Variants in FHDC1 observed in about 807,000 individuals in gnomAD.
The protein encoded by FHDC1 is FH2 domain containing 1, also known as FH2 domain-containing protein 1.
Under a neutral mutation model 52.6 loss-of-function variants are expected in FHDC1, and 25 were observed. The ratio of observed to expected loss-of-function variants is 0.48; its 90% CI spans 0.35 to 0.66. FHDC1 has a LOEUF of 0.66. Among genes scored for constraint, FHDC1 ranks in the 30% least tolerant of loss-of-function variants. The pLI is 0.01. For missense variants in FHDC1, 1,459 were observed against 1,452.8 expected (o/e 1.00, Z -0.07); for synonymous variants, 616 against 581.5 (o/e 1.06, Z -0.85).
rs926473885 is a variant in FHDC1 at position 152,978,397 on chromosome 4, T to A, written c.*1674T>A. The A allele has an allele frequency of 5.9e-5, 9 of 152,216 alleles. No homozygotes were observed. Among genetic ancestry groups the A allele is most frequent in the Admixed American group, 2.6e-4 (4 of 15,284 alleles). The allele number at this position is 152,216 out of a possible 1,614,324, so 9.4% of individuals were successfully genotyped here. On this transcript the variant is annotated 3_prime_UTR_variant, in exon 12 of 12. Transcript: ENST00000511601. ...AATAGTTTTTAACGTGGACATCTCT[T>A]CCTTGGTACAGTGGTTTTTAAATAC...
the FHDC1 span, among the ~76,000 whole-genome samples, chr4:152,923,372 T>G: frequency 6.6e-6 from 1 of 152,110 alleles, no homozygotes; most frequent in Non-Finnish European, 1.5e-5. Context: ...TACAAAGAAA[T>G]GGAAGAACAT....
At chr4:152,940,343 T>C (rs1312333320) in intron 1 of FHDC1, among the ~76,000 whole-genome samples, 3 of 152,238 alleles carry the variant, frequency 2.0e-5, no homozygotes, top group Admixed American at 6.5e-5. Context: ...GTTGTACATT[T>C]TCTTTTGTTT....
At chr4:152,928,036 C>T in the FHDC1 span, 9 of 1,445,256 alleles carry the variant, frequency 6.2e-6, no homozygotes, top group South Asian at 4.6e-5. Context: ...CCCTGAGTGG[C>T]TCCTCCATCC....
chr4:152,976,771 G>T lies in FHDC1; in HGVS notation c.*48G>T. On this transcript the variant is annotated 3_prime_UTR_variant, in exon 12 of 12. Transcript: ENST00000511601. Reference sequence around the variant, plus strand: ...TCCTGGGATTCAGACGGTGAAGACTGACTTCTGGGACGAGGATGGGGAAAG... The same window carrying T: ...TCCTGGGATTCAGACGGTGAAGACTTACTTCTGGGACGAGGATGGGGAAAG... 1.4e-6 allele frequency: 2 copies of T among 1,445,276 alleles called. No individual in the cohort carries two copies. Among genetic ancestry groups the T allele is most frequent in the South Asian group, 3.0e-5 (2 of 65,872 alleles). 89.5% of individuals were successfully genotyped at this position (1,445,276 alleles called of 1,614,324 possible). A position where few individuals can be genotyped will look rare whatever the true frequency, so the allele number is the denominator to read the frequency against.
In FHDC1 at chr4:152,974,748, C is replaced by G. The variant is rs115311015; in HGVS notation, c.1457C>G (p.Ser486Cys). 5 of 1,526,274 alleles carry G rather than the reference C, an allele frequency of 3.3e-6. No homozygotes were observed. The African/African-American group carries it at 6.9e-5, about 21-fold the overall frequency. The allele number at this position is 1,526,274 out of a possible 1,614,324, so 94.5% of individuals were successfully genotyped here. A position where few individuals can be genotyped will look rare whatever the true frequency, so the allele number is the denominator to read the frequency against. The stretch of plus-strand genomic sequence containing the variant: ...AAGGAGCAGGAGCAGAAGCAGCGCT[C>G]CTGGGCAACTGGGGAGCTGGGGGCA... ...RLKEQEQKQR[S>C]WATGELGAFG... Residue 486 changes from serine to cysteine, a missense_variant, in exon 12 of 12, where the codon TCC (serine) becomes TGC (cysteine). Around this residue, in one of 3 missense-constraint regions of FHDC1, gnomAD observed 513 missense variants for 581.5 expected, o/e 0.88. Coordinates refer to ENST00000511601, the MANE Select transcript of FHDC1 (RefSeq NM_001371116.1).
chr4:152,938,304 T>C (rs1248551787), intron 1 of FHDC1, among the ~76,000 whole-genome samples: 1 of 149,906 alleles, frequency 6.7e-6, no homozygotes, highest in Non-Finnish European at 1.5e-5. Flanking sequence ...CTATGAATAT[T>C]TACATTGTGC....
the FHDC1 span, among the ~76,000 whole-genome samples, chr4:152,921,695 T>C: frequency 6.6e-6 from 1 of 151,532 alleles, no homozygotes; most frequent in Non-Finnish European, 1.5e-5. Context: ...AAATACCTTA[T>C]TTATCAAATT....
chr4:152,972,682 C>A, intron 11 of FHDC1, 141 bp downstream of exon 11: 2 of 1,028,962 alleles, frequency 1.9e-6, no homozygotes, highest in Non-Finnish European at 2.8e-6. Context: ...TATTGCCAGG[C>A]TCTCGGCTGG....
At chr4:152,917,517 C>A in the FHDC1 span, among the ~76,000 whole-genome samples, 1 of 152,018 alleles carries the variant, frequency 6.6e-6, no homozygotes, top group Non-Finnish European at 1.5e-5. Context: ...TTTTCCAATT[C>A]CCCACCCCAT....
upstream of FHDC1, among the ~76,000 whole-genome samples, chr4:152,935,148 G>T (rs1462309468): frequency 6.6e-6 from 1 of 152,148 alleles, no homozygotes; most frequent in African/African-American, 2.4e-5. Flanking sequence ...CACAGTTTTG[G>T]TTTTGGGGTT....
Position 152,960,876 on chromosome 4 carries a change from G to A in FHDC1, c.850+32G>A, listed in dbSNP as rs778427895. On this transcript the variant is annotated intron_variant, in intron 6 of 11. Transcript: ENST00000511601. ...CAACATATGATCCTTCGCAGAATTT[G>A]TTTTTATTAATTTCGATAGCAGTTT... 32 of 1,499,474 alleles carry A rather than the reference G, an allele frequency of 2.1e-5. No homozygotes were observed. In the Middle Eastern group the frequency reaches 7.3e-4, roughly 34 times the overall value. 92.9% of individuals were successfully genotyped at this position (1,499,474 alleles called of 1,614,324 possible). A position where few individuals can be genotyped will look rare whatever the true frequency, so the allele number is the denominator to read the frequency against.
rs1421969939 is a variant in FHDC1, at chr4:152,975,242, G to C, written c.1951G>C (p.Glu651Gln). The C allele has an allele frequency of 6.2e-7, 1 of 1,613,262 alleles. No individual in the cohort carries two copies. Among genetic ancestry groups the C allele is most frequent in the Non-Finnish European group, 8.5e-7 (1 of 1,180,036 alleles). The change falls in exon 12 of 12, where the codon GAG becomes CAG. Residue 651 changes from glutamate (E) to glutamine (Q), a missense_variant. Glu to Gln is a conservative substitution (Grantham distance 29). Transcript: ENST00000511601. ...GVSVLRKRYS[E>Q]PVSLGSAQSP... ...CAGTGTCCTCCGAAAGAGGTACAGT[G>C]AGCCGGTGAGCCTGGGCTCAGCACA...
chr4:152,913,841 T>G, the FHDC1 span, among the ~76,000 whole-genome samples: 1 of 151,940 alleles, frequency 6.6e-6, no homozygotes, highest in Non-Finnish European at 1.5e-5. Flanking sequence ...CCACCACGCC[T>G]GGCTTATTTT....
intron 2 of FHDC1, 76 bp downstream of exon 2, chr4:152,943,631 A>G (rs1739644241): frequency 6.8e-7 from 1 of 1,480,924 alleles, no homozygotes; most frequent in South Asian, 1.4e-5. Context: ...TACATTTCAA[A>G]TAATTGCTAG....
intron 2 of FHDC1, among the ~76,000 whole-genome samples, chr4:152,953,220 G>A (rs1278205512): frequency 6.6e-6 from 1 of 151,998 alleles, no homozygotes; most frequent in Non-Finnish European, 1.5e-5. Context: ...ATCATAGGTC[G>A]GGACCATCTG....
At chr4:152,924,199 G>C in the FHDC1 span, among the ~76,000 whole-genome samples, 1 of 152,004 alleles carries the variant, frequency 6.6e-6, no homozygotes, top group Non-Finnish European at 1.5e-5. Flanking sequence ...AGTGGGCCAA[G>C]GACATGAACA....
chr4:152,943,599 G>T, intron 2 of FHDC1, 44 bp downstream of exon 2: 1 of 1,559,058 alleles, frequency 6.4e-7, no homozygotes. Context: ...ACACTGCATT[G>T]TTTTGTGTTT....
chr4:152,928,264 G>A, the FHDC1 span: 7 of 659,444 alleles, frequency 1.1e-5, no homozygotes, highest in South Asian at 1.0e-4. Context: ...GACCATTCAC[G>A]CTGCCTTACA....
intron 6 of FHDC1, among the ~76,000 whole-genome samples, chr4:152,962,220 C>G (rs1188482701): frequency 6.6e-6 from 1 of 152,104 alleles, no homozygotes; most frequent in Non-Finnish European, 1.5e-5. Context: ...AAGTTTCTTT[C>G]TAAAACTTTC....
Sources: gnomAD v4.1 joint callset for allele counts (sites outside exome capture counted in the v4.1 genomes callset) on GRCh38, gnomAD v4.1.1 for gene constraint, gnomAD v4.1.1 regional missense constraint, MANE v1.5 for transcripts, NCBI Gene and HGNC (gene_info 2026-07-23, HGNC 2026-07-21) for gene names.